Variants in SPAG16 observed in about 807,000 individuals in gnomAD.
The protein encoded by SPAG16 is sperm-associated antigen 16 protein.
A neutral mutation model predicts 80.4 loss-of-function variants in SPAG16; 86 were observed. That is an observed-to-expected ratio of 1.07 (90% CI 0.90 to 1.28). The LOEUF (loss-of-function observed/expected upper bound fraction) is 1.28, where lower values mean the gene tolerates loss of function less well. Among genes scored for constraint, SPAG16 ranks in the 50% most tolerant of loss-of-function variants. The probability of loss-of-function intolerance (pLI) is 0.00; values close to 1 mark genes in which losing one functional copy is unlikely to be tolerated. For synonymous variants in SPAG16, 294 were observed against 265.9 expected (o/e 1.11, Z -1.03); for missense variants, 870 against 765.3 (o/e 1.14, Z -1.61).
At chr2:213,922,881 C>T (rs1021640785) in intron 11 of SPAG16, among the ~76,000 whole-genome samples, 1 of 152,082 alleles carries the variant, frequency 6.6e-6, no homozygotes, top group Admixed American at 6.6e-5. Flanking sequence ...CAGGCAAGGG[C>T]TGCGGTTGAC....
intron 15 of SPAG16, among the ~76,000 whole-genome samples, chr2:214,189,922 C>T (rs1021282645): frequency 1.3e-5 from 2 of 151,960 alleles, no homozygotes; most frequent in Admixed American, 1.3e-4. Flanking sequence ...CTGAAATTTT[C>T]CGAAATTGGG....
intron 9 of SPAG16, among the ~76,000 whole-genome samples, chr2:213,451,701 T>C (rs1030288): frequency 0.06 from 9,123 of 152,036 alleles, 912 homozygotes; most frequent in African/African-American, 0.21. Context: ...ATAAATGGGC[T>C]AGTGAGGAGG....
intron 15 of SPAG16, among the ~76,000 whole-genome samples, chr2:214,385,497 A>T (rs926349383): frequency 6.6e-6 from 1 of 152,206 alleles, no homozygotes; most frequent in Non-Finnish European, 1.5e-5. Context: ...CGAGTTCTTT[A>T]TATAAAGACT....
At chr2:213,519,509 C>T (rs1232946993) in intron 10 of SPAG16, among the ~76,000 whole-genome samples, 1 of 152,204 alleles carries the variant, frequency 6.6e-6, no homozygotes, top group Non-Finnish European at 1.5e-5. Context: ...CCGCCATCCA[C>T]ATAAGATGTG....
At chr2:214,354,200 T>C (rs1202418787) in intron 15 of SPAG16, among the ~76,000 whole-genome samples, 4 of 152,182 alleles carry the variant, frequency 2.6e-5, no homozygotes, top group Non-Finnish European at 5.9e-5. Flanking sequence ...GGGATCCAGT[T>C]TCAGCTTTCT....
intron 10 of SPAG16, among the ~76,000 whole-genome samples, chr2:213,818,580 T>C (rs1356095276): frequency 6.6e-6 from 1 of 152,174 alleles, no homozygotes; most frequent in Admixed American, 6.6e-5. Flanking sequence ...GTTGGTTCAT[T>C]CCAGTGAACC....
chr2:213,830,880 A>G (rs988862586), intron 10 of SPAG16, among the ~76,000 whole-genome samples: 1 of 152,112 alleles, frequency 6.6e-6, no homozygotes, highest in South Asian at 2.1e-4. Context: ...CATTTGTATT[A>G]TAAGTGCTGT....
intron 15 of SPAG16, among the ~76,000 whole-genome samples, chr2:214,173,212 A>G (rs1211293318): frequency 6.6e-6 from 1 of 152,048 alleles, no homozygotes; most frequent in East Asian, 1.9e-4. Flanking sequence ...GTTTTCTTCT[A>G]GGGTTTTTAT....
At chr2:213,683,020 C>G (rs1199783325) in intron 10 of SPAG16, among the ~76,000 whole-genome samples, 1 of 152,156 alleles carries the variant, frequency 6.6e-6, no homozygotes, top group Non-Finnish European at 1.5e-5. Context: ...ATCTCAACAT[C>G]TCACAGCCAC....
At chr2:214,115,971 G>A (rs1367184208) in intron 14 of SPAG16, among the ~76,000 whole-genome samples, 1 of 151,976 alleles carries the variant, frequency 6.6e-6, no homozygotes, top group Non-Finnish European at 1.5e-5. Flanking sequence ...GGAGTTTCAG[G>A]ATTCAGGTAG....
At chr2:213,476,424 C>T (rs986406088) in intron 9 of SPAG16, among the ~76,000 whole-genome samples, 2 of 152,106 alleles carry the variant, frequency 1.3e-5, no homozygotes, top group Non-Finnish European at 2.9e-5. Flanking sequence ...TTCCAACACC[C>T]GAGGGTGAAG....
chr2:213,972,864 T>C (rs1326533842), intron 12 of SPAG16, among the ~76,000 whole-genome samples: 1 of 152,222 alleles, frequency 6.6e-6, no homozygotes, highest in Non-Finnish European at 1.5e-5. Flanking sequence ...TTTCCTCCAC[T>C]CTGTGGGTTG....
chr2:214,073,665 C>T (rs1158892554), intron 13 of SPAG16, among the ~76,000 whole-genome samples: 3 of 152,120 alleles, frequency 2.0e-5, no homozygotes, highest in Admixed American at 1.3e-4. Context: ...ATAAAACATT[C>T]CAGCAGTTTC....
rs116903309 is a variant in SPAG16, at chr2:213,615,863, C to G, written c.1070+125773C>G. On this transcript the variant is annotated intron_variant, in intron 10 of 15. Coordinates refer to ENST00000331683, the MANE Select transcript of SPAG16 (RefSeq NM_024532.5). ...AAATGATTGTTACTTTTTGCAGTAT[C>G]ACAATAATCCTATGAAATTAGTCCA... is the stretch of plus-strand genomic sequence containing the variant. Among the ~76,000 whole-genome samples the G allele has an allele frequency of 9.2e-5, 14 of 151,808 alleles. No individual in the cohort carries two copies. The East Asian group carries it at 2.7e-3, about 29-fold the overall frequency.
intron 10 of SPAG16, among the ~76,000 whole-genome samples, chr2:213,540,467 A>T (rs1397801790): frequency 6.6e-6 from 1 of 152,144 alleles, no homozygotes; most frequent in Non-Finnish European, 1.5e-5. Flanking sequence ...ATTATCATTT[A>T]TTTTCATAAA....
chr2:214,271,852 C>CG (rs1553541535), intron 15 of SPAG16, among the ~76,000 whole-genome samples: 4 of 140,636 alleles, frequency 2.8e-5, no homozygotes, highest in Non-Finnish European at 6.0e-5. Flanking sequence ...ACCCCCCCCC[C>CG]AAAAAAAAAG....
intron 11 of SPAG16, among the ~76,000 whole-genome samples, chr2:213,879,322 C>A (rs186470163): frequency 1.3e-5 from 2 of 151,596 alleles, no homozygotes; most frequent in East Asian, 3.9e-4. Context: ...TAATTTCTTT[C>A]ATCGGTGTTT....
intron 9 of SPAG16, among the ~76,000 whole-genome samples, chr2:213,457,597 C>A (rs563792052): frequency 6.6e-6 from 1 of 151,754 alleles, no homozygotes; most frequent in African/African-American, 2.4e-5. Context: ...TTTTTTAAAA[C>A]CCTTGTATTA....
At chr2:213,348,034 G>T (rs917987396) in intron 6 of SPAG16, among the ~76,000 whole-genome samples, 4 of 152,042 alleles carry the variant, frequency 2.6e-5, no homozygotes, top group African/African-American at 9.7e-5. Context: ...TCTTTTTGTA[G>T]GTCTCTAAGG....
Sources: gnomAD v4.1 joint callset for allele counts (sites outside exome capture counted in the v4.1 genomes callset) on GRCh38, gnomAD v4.1.1 for gene constraint, MANE v1.5 for transcripts, NCBI Gene and HGNC (gene_info 2026-07-23, HGNC 2026-07-21) for gene names.